PCDHGB1: variants seen among roughly 807,000 people sequenced by gnomAD.
The protein encoded by PCDHGB1 is protocadherin gamma-B1.
Under a neutral mutation model 56.6 loss-of-function variants are expected in PCDHGB1, and 34 were observed. That is an observed-to-expected ratio of 0.60 (90% confidence interval 0.46 to 0.80). PCDHGB1 has a LOEUF of 0.80. Among genes scored for constraint, PCDHGB1 ranks in the 30% least tolerant of loss-of-function variants. PCDHGB1 has a pLI of 0.00. For synonymous variants in PCDHGB1, 561 were observed against 505.9 expected, an observed-to-expected ratio of 1.11 and a Z score of -1.46; for missense variants, 1,278 against 1,204.6, an observed-to-expected ratio of 1.06 and a Z score of -0.90.
At position 141,490,524 on chromosome 5, in the gene PCDHGB1, T is replaced by C. The variant is rs1197866164; in HGVS notation, c.2410-4283T>C. The C allele has an allele frequency of 1.2e-6, 2 of 1,613,990 alleles. No homozygotes were observed. Among genetic ancestry groups the C allele is most frequent in the Non-Finnish European group, 1.7e-6 (2 of 1,180,018 alleles). On this transcript the variant is annotated intron_variant, in intron 1 of 3. Transcript: ENST00000523390. The surrounding 1 kb of genome is among the most constrained non-coding windows in gnomAD (Gnocchi z 5.4). ...ATATCATCGAGCTGCTGGCCAGCGA[T>C]GCTGGTTCACCTTCCCTACACAAAC...
chr5:141,509,811 C>T (rs1321920000), intron 3 of PCDHGB1, among the ~76,000 whole-genome samples: 1 of 152,168 alleles, frequency 6.6e-6, no homozygotes, highest in African/African-American at 2.4e-5. Flanking sequence ...TAGAGCCGAG[C>T]TCTTCTCCAT....
intron 1 of PCDHGB1, among the ~76,000 whole-genome samples, chr5:141,468,165 A>T (rs1249592462): frequency 1.3e-5 from 2 of 151,940 alleles, no homozygotes; most frequent in Non-Finnish European, 2.9e-5. Flanking sequence ...TCTCTGCTAA[A>T]AATAGAAAAA....
intron 1 of PCDHGB1, chr5:141,415,275 G>A (rs1242620005): frequency 5.6e-6 from 9 of 1,614,094 alleles, no homozygotes; most frequent in East Asian, 4.5e-5. Flanking sequence ...TGGTGGTAGC[G>A]GTGGCCGCGG....
chr5:141,437,881 G>A (rs1317504695), intron 1 of PCDHGB1, among the ~76,000 whole-genome samples: 4 of 152,026 alleles, frequency 2.6e-5, no homozygotes, highest in Admixed American at 2.6e-4. Flanking sequence ...GGGACTACAG[G>A]CACACGCCAC....
chr5:141,442,725 G>A (rs1381140725), intron 1 of PCDHGB1, among the ~76,000 whole-genome samples: 1 of 152,198 alleles, frequency 6.6e-6, no homozygotes, highest in Admixed American at 6.5e-5. Flanking sequence ...AGCATTTGGG[G>A]CCTGTAGGTA....
At chr5:141,362,559 G>C (rs764539634) in intron 1 of PCDHGB1, 1 of 1,611,324 alleles carries the variant, frequency 6.2e-7, no homozygotes, top group South Asian at 1.1e-5. Context: ...TTTTGAAGGT[G>C]AGCTTTAATT....
At chr5:141,470,202 A>G (rs928782890) in intron 1 of PCDHGB1, among the ~76,000 whole-genome samples, 9 of 152,216 alleles carry the variant, frequency 5.9e-5, no homozygotes, top group Non-Finnish European at 1.2e-4. Flanking sequence ...GATAAATATG[A>G]AGGCTAAACC....
chr5:141,462,999 C>T (rs1360054048), intron 1 of PCDHGB1, among the ~76,000 whole-genome samples: 1 of 152,068 alleles, frequency 6.6e-6, no homozygotes, highest in Non-Finnish European at 1.5e-5. Flanking sequence ...TAATTTAGAC[C>T]TACCACTTAA....
At chr5:141,374,379 G>T in intron 1 of PCDHGB1, 11 of 1,614,042 alleles carry the variant, frequency 6.8e-6, no homozygotes, top group Non-Finnish European at 9.3e-6. Flanking sequence ...TGTGCTCAGA[G>T]CCCGCGGTGT....
intron 1 of PCDHGB1, chr5:141,423,780 T>C: frequency 8.0e-7 from 1 of 1,243,766 alleles, no homozygotes; most frequent in Non-Finnish European, 1.0e-6. Flanking sequence ...ATATATTTAG[T>C]TCATATATAT....
intron 1 of PCDHGB1, chr5:141,414,139 G>T: frequency 6.3e-7 from 1 of 1,596,506 alleles, no homozygotes; most frequent in Non-Finnish European, 8.5e-7. Flanking sequence ...CTATGAAATA[G>T]AAATACAAGC....
At chr5:141,418,687 G>T (rs758554600) in intron 1 of PCDHGB1, 1 of 1,613,928 alleles carries the variant, frequency 6.2e-7, no homozygotes, top group African/African-American at 1.3e-5. Context: ...TCAACTCAGA[G>T]ATCACTTATT....
At position 141,351,760 on chromosome 5, in the gene PCDHGB1, C is replaced by T. The variant is rs1758809772; in HGVS notation, c.1500C>T (p.Tyr500=). 1 of 1,613,598 alleles carries T rather than the reference C, an allele frequency of 6.2e-7. No homozygotes were observed. The part of the protein sequence containing the change: ...SDLEPRELLS[Y]VSVSPQSGVV... Reference sequence around the variant, plus strand: ...TGGAGCCGCGGGAGCTGTTGTCCTACGTGTCCGTGAGCCCGCAGAGCGGGG... The same window carrying T: ...TGGAGCCGCGGGAGCTGTTGTCCTATGTGTCCGTGAGCCCGCAGAGCGGGG... The change falls in exon 1 of 4, where the codon TAC becomes TAT. Residue 500 remains tyrosine (Y), a synonymous_variant. Transcript: ENST00000523390.
Position 141,511,103 on chromosome 5 carries a change from A to G in PCDHGB1, c.2714A>G (p.Lys905Arg), listed in dbSNP as rs779731716. The G allele has an allele frequency of 6.2e-7, 1 of 1,614,214 alleles. No individual in the cohort carries two copies. The highest frequency in any genetic ancestry group is 8.5e-7 in the Non-Finnish European group (1 of 1,180,026). The change falls in exon 4 of 4, where the codon AAG becomes AGG. Residue 905 changes from lysine to arginine, a missense_variant. By Grantham distance (26) the Lys-to-Arg change is conservative. Coordinates refer to ENST00000523390, the MANE Select transcript of PCDHGB1 (RefSeq NM_018922.3). ...SNATLTNAAGKRDGKAPAGGN... is the reference protein window; with the variant it reads ...SNATLTNAAGRRDGKAPAGGN... ...GCCACACTGACCAACGCAGCTGGCA[A>G]GCGGGATGGCAAGGCCCCAGCAGGT...
intron 1 of PCDHGB1, among the ~76,000 whole-genome samples, chr5:141,354,516 T>C (rs1475346622): frequency 6.6e-6 from 1 of 152,216 alleles, no homozygotes; most frequent in Non-Finnish European, 1.5e-5. Context: ...TGCAAGGGAA[T>C]TGAAGCATTG....
Position 141,491,819 on chromosome 5 carries a change from G to C in PCDHGB1, c.2410-2988G>C. The C allele has an allele frequency of 6.7e-7, 1 of 1,482,028 alleles. No individual in the cohort carries two copies. Among genetic ancestry groups the C allele is most frequent in the Non-Finnish European group, 9.0e-7 (1 of 1,116,648 alleles). The allele number at this position is 1,482,028 out of a possible 1,614,324, so 91.8% of individuals were successfully genotyped here. A position where few individuals can be genotyped will look rare whatever the true frequency, so the allele number is the denominator to read the frequency against. On this transcript the variant is annotated intron_variant, in intron 1 of 3. Transcript: ENST00000523390. This position sits in a 1 kb window ranked among gnomAD's most constrained non-coding sequence, Gnocchi z 6.9. ...TCCGGCCGGCTTGGTCGCTGGCTGCGCTCCACCCGATTCTCGGGATCATTG... is the reference window on the plus strand; with the variant it reads ...TCCGGCCGGCTTGGTCGCTGGCTGCCCTCCACCCGATTCTCGGGATCATTG...
chr5:141,392,844 G>C lies in PCDHGB1; in HGVS notation c.2409+40175G>C, dbSNP rs201895231. On this transcript the variant is annotated intron_variant, in intron 1 of 3. Coordinates refer to ENST00000523390, the MANE Select transcript of PCDHGB1 (RefSeq NM_018922.3). ...CGCTCCACAGAGTCGCCCCAGACGCGGCGAGCTGATCCTGCTGTGCGCGCT... is the reference window on the plus strand; with the variant it reads ...CGCTCCACAGAGTCGCCCCAGACGCCGCGAGCTGATCCTGCTGTGCGCGCT... 32 of 1,609,468 alleles carry C rather than the reference G, an allele frequency of 2.0e-5. No homozygotes were observed. The highest frequency in any genetic ancestry group is 2.5e-5 in the Non-Finnish European group (29 of 1,177,978).
intron 1 of PCDHGB1, chr5:141,372,005 G>C (rs1768294094): frequency 1.2e-6 from 2 of 1,613,304 alleles, no homozygotes; most frequent in East Asian, 2.2e-5. Flanking sequence ...CCCGCGACCA[G>C]GGCTCGCCTA....
At position 141,497,103 on chromosome 5, in the gene PCDHGB1, T is replaced by C. The variant is rs182534106; in HGVS notation, c.2468+2238T>C. On this transcript the variant is annotated intron_variant, in intron 2 of 3. Transcript: ENST00000523390. ...ACTTAGGAGGCTGAGGCAGAACTGC[T>C]TGAACCCGGAAGGCAGAGGTTGCAG... Among the ~76,000 whole-genome samples, 34 of 152,160 alleles carry C rather than the reference T, an allele frequency of 2.2e-4. 1 individual carries two copies. Among genetic ancestry groups the C allele is most frequent in the Admixed American group, 6.6e-4 (10 of 15,264 alleles).
Sources: allele counts gnomAD v4.1 joint callset (sites outside exome capture counted in the v4.1 genomes callset), GRCh38; gene constraint gnomAD v4.1.1; non-coding constraint Gnocchi (gnomAD v3.1); transcripts MANE v1.5; gene names NCBI Gene and HGNC (gene_info 2026-07-23, HGNC 2026-07-21).